PRIMPOL: variants seen among roughly 807,000 people sequenced by gnomAD.
PRIMPOL encodes DNA-directed primase/polymerase protein.
A neutral mutation model predicts 63.6 loss-of-function variants in PRIMPOL; 54 were observed. The observed-to-expected ratio is 0.85, with a 90% CI of 0.68 to 1.07. PRIMPOL has a LOEUF of 1.07. Among genes scored for constraint, PRIMPOL ranks in the 50% least tolerant of loss-of-function variants. The pLI is 0.00. For synonymous variants in PRIMPOL, 197 were observed against 220.2 expected (o/e 0.89, Z 0.93); for missense variants, 610 against 648.3 (o/e 0.94, Z 0.64).
intron 4 of PRIMPOL, among the ~76,000 whole-genome samples, chr4:184,660,549 T>C (rs1169440707): frequency 6.6e-6 from 1 of 152,174 alleles, no homozygotes; most frequent in Non-Finnish European, 1.5e-5. Flanking sequence ...ATGCCCTATA[T>C]TGATTTAGAA....
At chr4:184,672,486 A>G (rs762157728) in intron 7 of PRIMPOL, 26 bp downstream of exon 7, 48 of 1,577,684 alleles carry the variant, frequency 3.0e-5, no homozygotes, top group Middle Eastern at 1.7e-4. Context: ...AGCTTTCTCC[A>G]TCAGACCGCC....
In PRIMPOL at chr4:184,694,614, T is replaced by G. The variant is rs3184982; in HGVS notation, c.1518T>G (p.Gly506=). Residue 506 remains glycine (G), a synonymous_variant, in exon 14 of 14, where the codon GGT becomes GGG. Transcript: ENST00000314970. The part of the protein sequence containing the change: ...HKPSPSRLST[G]ASADAVWDNG... ...CATCACCTAGCAGGCTGTCAACAGG[T>G]GCATCTGCTGATGCTGTCTGGGATA... 247,368 of 1,612,878 alleles carry G rather than the reference T, an allele frequency of 0.15. 20,383 individuals are homozygous for G. The highest frequency in any genetic ancestry group is 0.27 in the African/African-American group (20,577 of 74,856).
chr4:184,672,151 T>C (rs756220697), intron 6 of PRIMPOL, 22 bp from the exon 7 acceptor site: 14 of 1,592,312 alleles, frequency 8.8e-6, no homozygotes, highest in African/African-American at 1.4e-5. Flanking sequence ...TCCAGGTGAA[T>C]GATAATAGCT....
intron 7 of PRIMPOL, among the ~76,000 whole-genome samples, chr4:184,676,340 C>T (rs1443837111): frequency 1.6e-5 from 2 of 127,676 alleles, no homozygotes; most frequent in African/African-American, 5.8e-5. Context: ...CCTTCCCTTC[C>T]TTTCTCCTTT....
At chr4:184,691,607 C>G in intron 12 of PRIMPOL, 26 bp downstream of exon 12, 1 of 1,596,714 alleles carries the variant, frequency 6.3e-7, no homozygotes, top group Non-Finnish European at 8.6e-7. Context: ...TTACATTTAC[C>G]ACAAAGTAAA....
At chr4:184,664,122 A>G (rs1220864178) in intron 5 of PRIMPOL, among the ~76,000 whole-genome samples, 2 of 152,224 alleles carry the variant, frequency 1.3e-5, no homozygotes, top group African/African-American at 4.8e-5. Context: ...TTAATTATTT[A>G]AGTAACTTAA....
At chr4:184,694,499 A>G (rs1363292103) in intron 13 of PRIMPOL, 23 bp from the exon 14 acceptor site, 1 of 1,605,214 alleles carries the variant, frequency 6.2e-7, no homozygotes, top group Middle Eastern at 1.7e-4. Context: ...CCCACTCTCT[A>G]TCCCTTCACC....
chr4:184,689,185 C>T (rs1043154732), intron 11 of PRIMPOL, among the ~76,000 whole-genome samples: 2 of 150,958 alleles, frequency 1.3e-5, no homozygotes, highest in African/African-American at 2.5e-5. Flanking sequence ...CCTGCTTCAG[C>T]CTCTCACGTA....
chr4:184,658,035 T>TAAAA (rs1553988171), intron 3 of PRIMPOL, among the ~76,000 whole-genome samples: 6,037 of 147,082 alleles, frequency 0.041, 400 homozygotes, highest in African/African-American at 0.14. Flanking sequence ...AATAAATAAA[T>TAAAA]ATCACTAAAT....
rs748032943 is a variant in PRIMPOL, at chr4:184,672,331, A to G, written c.715A>G (p.Thr239Ala). 1.2e-6 allele frequency: 2 copies of G among 1,614,080 alleles called. No individual in the cohort carries two copies. The highest frequency in any genetic ancestry group is 1.7e-6 in the Non-Finnish European group (2 of 1,180,050). ...SFNKMFTEKA[T>A]EESWTSNSKK... ...CAATAAAATGTTCACAGAAAAGGCT[A>G]CAGAGGAAAGCTGGACATCGAATTC... Residue 239 changes from threonine (T) to alanine (A), a missense_variant, in exon 7 of 14, where the codon ACA (threonine) becomes GCA (alanine). Physicochemically the swap from Thr to Ala is moderately conservative, Grantham distance 58 (BLOSUM62 0). Transcript: ENST00000314970.
At chr4:184,676,025 G>A (rs1349462586) in intron 7 of PRIMPOL, among the ~76,000 whole-genome samples, 1 of 152,108 alleles carries the variant, frequency 6.6e-6, no homozygotes, top group Non-Finnish European at 1.5e-5. Flanking sequence ...CTTGCATCTT[G>A]TTAAAGAAAC....
chr4:184,664,538 G>A (rs1210943325), intron 5 of PRIMPOL, among the ~76,000 whole-genome samples: 2 of 152,186 alleles, frequency 1.3e-5, no homozygotes, highest in Non-Finnish European at 2.9e-5. Flanking sequence ...TTCTTCCATT[G>A]TCCAAGATGG....
chr4:184,673,891 C>T (rs1314561154), intron 7 of PRIMPOL, among the ~76,000 whole-genome samples: 1 of 152,206 alleles, frequency 6.6e-6, no homozygotes, highest in African/African-American at 2.4e-5. Context: ...CTCTGGCAAT[C>T]AAGCACCAGA....
Position 184,685,569 on chromosome 4 carries a change from A to G in PRIMPOL, c.1187-7A>G, listed in dbSNP as rs1052600709. ...TAGTAGCTTTAGAAACATTATTTGC[A>G]TTTTAGGAATTCGGCGTTGGAACTA... On this transcript the variant is annotated splice_region_variant and splice_polypyrimidine_tract_variant and intron_variant, in intron 10 of 13. Coordinates refer to ENST00000314970, the MANE Select transcript of PRIMPOL (RefSeq NM_152683.4). 9 of 1,606,432 alleles carry G rather than the reference A, an allele frequency of 5.6e-6. No homozygotes were observed. The highest frequency in any genetic ancestry group is 2.2e-5 in the South Asian group (2 of 90,764).
chr4:184,693,586 T>TAGAAA (rs1218814582), intron 13 of PRIMPOL, among the ~76,000 whole-genome samples: 1 of 152,224 alleles, frequency 6.6e-6, no homozygotes, highest in Non-Finnish European at 1.5e-5. Flanking sequence ...TATACCTGCT[T>TAGAAA]TTCTATTGCA....
intron 6 of PRIMPOL, among the ~76,000 whole-genome samples, chr4:184,671,797 C>T (rs1199107535): frequency 3.6e-5 from 5 of 139,040 alleles, no homozygotes; most frequent in Admixed American, 8.0e-5. Flanking sequence ...GGCTGGAGTG[C>T]AGTGGCGCGA....
At chr4:184,668,711 C>T (rs759540490) in intron 6 of PRIMPOL, among the ~76,000 whole-genome samples, 6 of 152,126 alleles carry the variant, frequency 3.9e-5, no homozygotes, top group Non-Finnish European at 8.8e-5. Flanking sequence ...TTGCAGAGAA[C>T]GTCCAGGGCT....
At chr4:184,659,299 A>G (rs376230756) in intron 3 of PRIMPOL, 41 bp from the exon 4 acceptor site, 62 of 1,492,904 alleles carry the variant, frequency 4.2e-5, no homozygotes, top group Non-Finnish European at 5.3e-5. Flanking sequence ...TTAGGTTTGC[A>G]TTTTGTGAAT....
intron 7 of PRIMPOL, among the ~76,000 whole-genome samples, chr4:184,677,832 G>A (rs73012920): frequency 0.013 from 1,948 of 152,218 alleles, 45 homozygotes; most frequent in African/African-American, 0.044. Context: ...GTTGTATAAT[G>A]TACTGAATAG....
Sources: allele counts gnomAD v4.1 joint callset (sites outside exome capture counted in the v4.1 genomes callset), GRCh38; gene constraint gnomAD v4.1.1; transcripts MANE v1.5; gene names NCBI Gene and HGNC (gene_info 2026-07-23, HGNC 2026-07-21).